Variants in DPP10 observed in about 807,000 individuals in gnomAD.
DPP10 encodes the protein dipeptidyl peptidase like 10, also known as inactive dipeptidyl peptidase 10.
In DPP10, 33 loss-of-function variants were observed where a neutral mutation model predicts 120.9. That is an observed-to-expected ratio of 0.27 (90% CI 0.21 to 0.37). DPP10 has a LOEUF of 0.37. Among genes scored for constraint, DPP10 ranks in the 10% least tolerant of loss-of-function variants. The pLI is 1.00. For synonymous variants in DPP10, 337 were observed against 326.1 expected, an observed-to-expected ratio of 1.03 and a Z score of -0.36; for missense variants, 816 against 942.8, an observed-to-expected ratio of 0.87 and a Z score of 1.76.
intron 1 of DPP10, chr2:115,130,892 C>T (rs1175547324): frequency 6.6e-6 from 1 of 152,272 alleles, no homozygotes; most frequent in Non-Finnish European, 1.5e-5. Flanking sequence ...CTTCCTATCA[C>T]ATAGTTACCA....
intron 1 of DPP10, among the ~76,000 whole-genome samples, chr2:115,048,867 T>C (rs1174965116): frequency 1.3e-5 from 2 of 152,254 alleles, no homozygotes; most frequent in African/African-American, 4.8e-5. Flanking sequence ...TCTTTAAATT[T>C]GCATGTATAA....
At chr2:115,560,919 A>G (rs937462232) in intron 5 of DPP10, among the ~76,000 whole-genome samples, 1 of 152,122 alleles carries the variant, frequency 6.6e-6, no homozygotes, top group Non-Finnish European at 1.5e-5. Flanking sequence ...TTAGACATCT[A>G]TCTTCACCAC....
chr2:114,822,268 C>T (rs892153404), intron 1 of DPP10, among the ~76,000 whole-genome samples: 2 of 152,208 alleles, frequency 1.3e-5, no homozygotes. Context: ...AGGTGCCAAA[C>T]CTTGAGGCTT....
In DPP10 at chr2:115,807,869, A is replaced by T. The variant is rs535542749; in HGVS notation, c.1701-6924A>T. Among the ~76,000 whole-genome samples, 4 of 152,238 alleles carry T rather than the reference A, an allele frequency of 2.6e-5. No homozygotes were observed. In the East Asian group the frequency reaches 7.7e-4, roughly 29 times the overall value. Reference sequence around the variant, plus strand: ...TTAAAAACACGAAAAATTCTGATTGAGGAAAAACATTAAATGCATTTTTCA... The same window carrying T: ...TTAAAAACACGAAAAATTCTGATTGTGGAAAAACATTAAATGCATTTTTCA... On this transcript the variant is annotated intron_variant, in intron 19 of 25. Transcript: ENST00000410059.
At chr2:115,193,703 T>C (rs1397388021) in intron 1 of DPP10, among the ~76,000 whole-genome samples, 2 of 152,212 alleles carry the variant, frequency 1.3e-5, no homozygotes, top group African/African-American at 2.4e-5. Flanking sequence ...GTACTTTAAA[T>C]CTTGGCTGAG....
intron 1 of DPP10, among the ~76,000 whole-genome samples, chr2:114,800,775 G>A (rs1186789968): frequency 1.3e-5 from 2 of 152,132 alleles, no homozygotes; most frequent in African/African-American, 4.8e-5. Context: ...GAAACCATCA[G>A]AATTTGAACC....
chr2:115,004,758 G>A (rs1273382553), intron 1 of DPP10, among the ~76,000 whole-genome samples: 1 of 152,182 alleles, frequency 6.6e-6, no homozygotes, highest in Non-Finnish European at 1.5e-5. Context: ...AGCAGTCTGA[G>A]ATCAAACTGC....
chr2:114,790,739 G>A (rs1040707989), intron 1 of DPP10, among the ~76,000 whole-genome samples: 28 of 152,132 alleles, frequency 1.8e-4, no homozygotes, highest in African/African-American at 6.5e-4. Flanking sequence ...CTTTCACAAG[G>A]TACTGTCATC....
intron 1 of DPP10, among the ~76,000 whole-genome samples, chr2:115,295,484 AC>A (rs1405683124): frequency 6.6e-6 from 1 of 152,082 alleles, no homozygotes; most frequent in African/African-American, 2.4e-5. Flanking sequence ...ATGGCTAATA[AC>A]CGTCACAGAG....
At chr2:114,853,957 A>G (rs1452260968) in intron 1 of DPP10, among the ~76,000 whole-genome samples, 2 of 152,208 alleles carry the variant, frequency 1.3e-5, no homozygotes, top group Non-Finnish European at 2.9e-5. Context: ...ACCTTACTGG[A>G]GAGCCTAAGC....
intron 1 of DPP10, among the ~76,000 whole-genome samples, chr2:115,169,381 T>C (rs773040820): frequency 3.3e-5 from 5 of 152,190 alleles, no homozygotes; most frequent in African/African-American, 4.8e-5. Flanking sequence ...TTTGCACTTA[T>C]GTGAATGAAA....
intron 1 of DPP10, among the ~76,000 whole-genome samples, chr2:114,632,137 AATAG>A (rs1694970880): frequency 6.6e-6 from 1 of 152,040 alleles, no homozygotes; most frequent in Admixed American, 6.5e-5. Flanking sequence ...TTTTTGCAAG[AATAG>A]ATAATTGGGA....
chr2:115,384,426 AAGG>A (rs1311647288), intron 3 of DPP10, among the ~76,000 whole-genome samples: 2 of 148,846 alleles, frequency 1.3e-5, no homozygotes, highest in African/African-American at 2.5e-5. Context: ...GAAGAAGAAG[AAGG>A]AGAAGAAGAA....
chr2:114,995,852 A>G (rs1701046343), intron 1 of DPP10, among the ~76,000 whole-genome samples: 1 of 152,228 alleles, frequency 6.6e-6, no homozygotes, highest in Admixed American at 6.5e-5. Context: ...TTGATAAAGT[A>G]CTATTTCTCA....
chr2:114,751,138 G>A (rs1175487645), intron 1 of DPP10, among the ~76,000 whole-genome samples: 1 of 152,190 alleles, frequency 6.6e-6, no homozygotes, highest in Non-Finnish European at 1.5e-5. Flanking sequence ...TGGCAAAGAG[G>A]TTTAAATAAC....
At chr2:114,790,522 A>T (rs1351108819) in intron 1 of DPP10, among the ~76,000 whole-genome samples, 1 of 152,148 alleles carries the variant, frequency 6.6e-6, no homozygotes, top group Non-Finnish European at 1.5e-5. Context: ...TGTGAGCAAC[A>T]TGGCTGTGTA....
chr2:115,804,323 T>A (rs906739812), intron 19 of DPP10, among the ~76,000 whole-genome samples: 1 of 152,294 alleles, frequency 6.6e-6, no homozygotes, highest in East Asian at 1.9e-4. Context: ...ATTCTAGTTA[T>A]CCTTTCATCT....
At chr2:114,794,587 G>C (rs1168661036) in intron 1 of DPP10, among the ~76,000 whole-genome samples, 1 of 152,148 alleles carries the variant, frequency 6.6e-6, no homozygotes, top group Non-Finnish European at 1.5e-5. Flanking sequence ...GGAAAGTTTT[G>C]TACCCAAATT....
chr2:115,380,693 G>T (rs1278510709), intron 3 of DPP10, among the ~76,000 whole-genome samples: 2 of 152,100 alleles, frequency 1.3e-5, no homozygotes, highest in Admixed American at 6.5e-5. Context: ...GCTGGTACCA[G>T]TTGTTCCTTT....
Sources: gnomAD v4.1 joint callset for allele counts (sites outside exome capture counted in the v4.1 genomes callset) on GRCh38, gnomAD v4.1.1 for gene constraint, MANE v1.5 for transcripts, NCBI Gene and HGNC (gene_info 2026-07-23, HGNC 2026-07-21) for gene names.